The following CSMD1 variants were observed in gnomAD, a reference collection of about 807,000 sequenced individuals.
The protein encoded by CSMD1 is CUB and Sushi multiple domains 1.
In CSMD1, 213 loss-of-function variants were observed where a neutral mutation model predicts 417.5. The ratio of observed to expected loss-of-function variants is 0.51; its 90% CI spans 0.46 to 0.57. CSMD1 has a LOEUF of 0.57. Ranked by LOEUF, CSMD1 falls within the 20% of genes least tolerant of loss-of-function variation. The pLI, the probability that CSMD1 is intolerant of heterozygous loss-of-function variation, is 0.00. For synonymous variants in CSMD1, 2,862 were observed against 1,736.8 expected, an observed-to-expected ratio of 1.65 and a Z score of -16.11; for missense variants, 6,923 against 4,529.7, an observed-to-expected ratio of 1.53 and a Z score of -15.17.
At chr8:3,500,508 A>T (rs571769187) in intron 10 of CSMD1, among the ~76,000 whole-genome samples, 1 of 152,328 alleles carries the variant, frequency 6.6e-6, no homozygotes, top group East Asian at 1.9e-4. Flanking sequence ...GCACGTGAAA[A>T]GAAGAGGAAT....
chr8:2,980,392 TCTC>T (rs1805302360), intron 54 of CSMD1, among the ~76,000 whole-genome samples: 3 of 151,006 alleles, frequency 2.0e-5, no homozygotes, highest in South Asian at 4.2e-4. Context: ...TCTTCCTTCT[TCTC>T]CTCCTCCACC....
At chr8:4,911,904 G>A (rs561761989) in intron 1 of CSMD1, among the ~76,000 whole-genome samples, 1 of 151,830 alleles carries the variant, frequency 6.6e-6, no homozygotes, top group African/African-American at 2.4e-5. Context: ...AAAATTACTA[G>A]ACAGGTATTT....
chr8:3,256,309 GAAA>G (rs61572877), intron 26 of CSMD1, among the ~76,000 whole-genome samples: 11 of 81,442 alleles, frequency 1.4e-4, no homozygotes, highest in African/African-American at 4.4e-4. Flanking sequence ...TAAGTCTCAA[GAAA>G]AAAAAAAAAA....
rs542958432 is a variant in CSMD1, at chr8:3,068,360, T to C, written c.7475-15713A>G. ...TTTGTGTAGAAAACCATGACTTTTT[T>C]AGACTCTCCAAGACTCAGGACTTCT... On this transcript the variant is annotated intron_variant, in intron 49 of 69. Transcript: ENST00000635120. 2.4e-4 allele frequency among the ~76,000 whole-genome samples: 36 copies of C among 152,322 alleles called. No individual in the cohort carries two copies. The East Asian group carries it at 6.7e-3, about 29-fold the overall frequency.
intron 2 of CSMD1, among the ~76,000 whole-genome samples, chr8:4,511,639 C>A (rs1802827799): frequency 6.6e-6 from 1 of 152,048 alleles, no homozygotes; most frequent in Non-Finnish European, 1.5e-5. Context: ...AGTGATGGTA[C>A]CAGGGCAGAA....
At chr8:3,336,024 T>C (rs1352717354) in intron 23 of CSMD1, among the ~76,000 whole-genome samples, 1 of 152,150 alleles carries the variant, frequency 6.6e-6, no homozygotes, top group African/African-American at 2.4e-5. Flanking sequence ...AAAACATTTC[T>C]CCCATAGGAC....
Position 3,199,794 on chromosome 8 carries a change from A to G in CSMD1, c.5114T>C (p.Leu1705Ser). 1 of 1,574,638 alleles carries G rather than the reference A, an allele frequency of 6.4e-7. No homozygotes were observed. The highest frequency in any genetic ancestry group is 8.6e-7 in the Non-Finnish European group (1 of 1,159,204). Residue 1705 changes from leucine to serine, a missense_variant, in exon 33 of 70, where the codon TTG (leucine) becomes TCG (serine). Transcript: ENST00000635120. Reference protein sequence around the residue: ...SGSHSGETLPLATSNQILLRF... With the variant: ...SGSHSGETLPSATSNQILLRF... ...GAGCAGAATTTGATTTGACGTAGCCAAGGGCAATGTTTCCCCTAGAAACGA... is the reference window on the plus strand; with the variant it reads ...GAGCAGAATTTGATTTGACGTAGCCGAGGGCAATGTTTCCCCTAGAAACGA...
intron 3 of CSMD1, among the ~76,000 whole-genome samples, chr8:4,191,906 G>C (rs946144532): frequency 1.3e-5 from 2 of 152,180 alleles, no homozygotes; most frequent in African/African-American, 4.8e-5. Context: ...GATGAGGAAA[G>C]AAAGTGAGCA....
At chr8:3,243,710 CAATA>C (rs1405453760) in intron 26 of CSMD1, among the ~76,000 whole-genome samples, 8 of 151,038 alleles carry the variant, frequency 5.3e-5, no homozygotes, top group South Asian at 2.1e-4. Flanking sequence ...ACAGGCCTGA[CAATA>C]AATATAATTA....
chr8:3,970,751 T>C (rs529831072), intron 5 of CSMD1, among the ~76,000 whole-genome samples: 17 of 152,016 alleles, frequency 1.1e-4, no homozygotes, highest in Non-Finnish European at 2.5e-4. Context: ...TCTTGTTTTT[T>C]GTTTTTTTGT....
chr8:2,964,079 CA>C (rs1454888221), intron 59 of CSMD1, among the ~76,000 whole-genome samples: 1 of 152,158 alleles, frequency 6.6e-6, no homozygotes, highest in Non-Finnish European at 1.5e-5. Flanking sequence ...GGCAAAAATC[CA>C]AAAACCACTG....
intron 23 of CSMD1, among the ~76,000 whole-genome samples, chr8:3,315,428 G>C (rs973006463): frequency 7.8e-6 from 1 of 128,056 alleles, no homozygotes; most frequent in East Asian, 2.2e-4. Context: ...TGAAATTCTA[G>C]GTGAAGTGAG....
chr8:4,318,173 C>A (rs766117328), intron 3 of CSMD1, among the ~76,000 whole-genome samples: 5 of 152,072 alleles, frequency 3.3e-5, no homozygotes, highest in Non-Finnish European at 5.9e-5. Context: ...AATATTGTTA[C>A]TATCCTTCTA....
chr8:4,934,514 G>A (rs1308885546), intron 1 of CSMD1, among the ~76,000 whole-genome samples: 2 of 152,074 alleles, frequency 1.3e-5, no homozygotes, highest in East Asian at 3.9e-4. Flanking sequence ...GAGAGCTTCC[G>A]GGGCTTTGAG....
At chr8:4,952,379 C>T (rs982500316) in intron 1 of CSMD1, among the ~76,000 whole-genome samples, 2 of 151,818 alleles carry the variant, frequency 1.3e-5, no homozygotes, top group Non-Finnish European at 2.9e-5. Context: ...ATTCAAATGT[C>T]CACACAGTTT....
At chr8:3,398,797 C>T (rs1334915430) in intron 16 of CSMD1, among the ~76,000 whole-genome samples, 1 of 152,158 alleles carries the variant, frequency 6.6e-6, no homozygotes, top group African/African-American at 2.4e-5. Flanking sequence ...CTCCAATAGC[C>T]TGCTTATTTT....
At chr8:3,127,653 C>T (rs1349382402) in intron 41 of CSMD1, 1 of 152,018 alleles carries the variant, frequency 6.6e-6, no homozygotes, top group Non-Finnish European at 1.5e-5. Context: ...GTGTTTGGCA[C>T]ACATAGCAAA....
At chr8:3,010,241 A>T (rs1358186189) in intron 52 of CSMD1, among the ~76,000 whole-genome samples, 1 of 152,136 alleles carries the variant, frequency 6.6e-6, no homozygotes, top group Non-Finnish European at 1.5e-5. Flanking sequence ...TGCCTGTTTA[A>T]AACACCCAGA....
intron 4 of CSMD1, among the ~76,000 whole-genome samples, chr8:4,017,799 G>C (rs901791402): frequency 2.0e-5 from 3 of 152,002 alleles, no homozygotes; most frequent in Non-Finnish European, 4.4e-5. Flanking sequence ...ATCTGCATTT[G>C]GAAAAGATAA....
Sources: allele counts gnomAD v4.1 joint callset (sites outside exome capture counted in the v4.1 genomes callset), GRCh38; gene constraint gnomAD v4.1.1; transcripts MANE v1.5; gene names NCBI Gene and HGNC (gene_info 2026-07-23, HGNC 2026-07-21).